The following SNTG1 variants were observed in gnomAD, a reference collection of about 807,000 sequenced individuals.
SNTG1 encodes the protein gamma-1-syntrophin.
A neutral mutation model predicts 74.7 loss-of-function variants in SNTG1; 39 were observed. The observed-to-expected ratio is 0.52, with a 90% confidence interval of 0.40 to 0.68. The LOEUF is 0.68. Among genes scored for constraint, SNTG1 ranks in the 30% least tolerant of loss-of-function variants. The probability of loss-of-function intolerance (pLI) is 0.00; values close to 1 mark genes in which losing one functional copy is unlikely to be tolerated. For missense variants in SNTG1, 685 were observed against 609.5 expected, an observed-to-expected ratio of 1.12 and a Z score of -1.30; for synonymous variants, 254 against 217.1, an observed-to-expected ratio of 1.17 and a Z score of -1.49.
At chr8:50,032,757 T>G (rs963383339) in intron 1 of SNTG1, among the ~76,000 whole-genome samples, 2 of 152,194 alleles carry the variant, frequency 1.3e-5, no homozygotes, top group African/African-American at 4.8e-5. Context: ...GAAGCAGAAG[T>G]CAAAATTTGG....
Position 50,105,546 on chromosome 8 carries a change from A to G in SNTG1, c.-102-67015A>G, listed in dbSNP as rs144036871. Among the ~76,000 whole-genome samples, 561 of 152,022 alleles carry G rather than the reference A, an allele frequency of 3.7e-3. 2 individuals carry two copies. Among genetic ancestry groups the G allele is most frequent in the African/African-American group, 0.013 (542 of 41,482 alleles). On this transcript the variant is annotated intron_variant, in intron 1 of 18. Coordinates refer to ENST00000642720, the MANE Select transcript of SNTG1 (RefSeq NM_018967.5). ...TCTTTGGGCTCTTTTTTGTCTTCAA[A>G]TAATTTTTTTCTAATTCTGTGAAGA...
At chr8:50,677,683 A>G (rs1585497239) in intron 15 of SNTG1, among the ~76,000 whole-genome samples, 1 of 152,138 alleles carries the variant, frequency 6.6e-6, no homozygotes, top group South Asian at 2.1e-4. Flanking sequence ...TTTAAAAGTA[A>G]AAATATAATT....
intron 15 of SNTG1, among the ~76,000 whole-genome samples, chr8:50,693,220 G>C (rs34346090): frequency 2.6e-5 from 4 of 151,976 alleles, no homozygotes; most frequent in Admixed American, 1.3e-4. Context: ...GTGATGCCTC[G>C]CCCTGCTTCG....
chr8:50,270,377 A>G (rs545441102), intron 2 of SNTG1, among the ~76,000 whole-genome samples: 1 of 152,316 alleles, frequency 6.6e-6, no homozygotes, highest in Non-Finnish European at 1.5e-5. Context: ...GAACTATAAA[A>G]AGAGAAAGCT....
intron 17 of SNTG1, among the ~76,000 whole-genome samples, chr8:50,746,288 G>A (rs1054356619): frequency 1.3e-5 from 2 of 151,884 alleles, no homozygotes; most frequent in African/African-American, 4.8e-5. Flanking sequence ...ATAAAACTGT[G>A]TTAAGACCAG....
intron 1 of SNTG1, among the ~76,000 whole-genome samples, chr8:49,940,025 A>T (rs531384731): frequency 1.3e-5 from 2 of 152,352 alleles, no homozygotes; most frequent in East Asian, 3.9e-4. Flanking sequence ...ACATAGCATG[A>T]GATGATTTCT....
intron 1 of SNTG1, among the ~76,000 whole-genome samples, chr8:49,963,231 G>A (rs943163136): frequency 1.2e-4 from 19 of 152,242 alleles, no homozygotes; most frequent in Admixed American, 7.9e-4. Context: ...GAAGCAAAGC[G>A]CCAAGACATC....
At chr8:50,535,409 G>A (rs962746412) in intron 10 of SNTG1, among the ~76,000 whole-genome samples, 3 of 152,020 alleles carry the variant, frequency 2.0e-5, no homozygotes, top group East Asian at 1.9e-4. Flanking sequence ...ATCACATGCC[G>A]ATCATCCATA....
chr8:50,228,225 A>G (rs1315373129), intron 2 of SNTG1, among the ~76,000 whole-genome samples: 1 of 151,914 alleles, frequency 6.6e-6, no homozygotes, highest in African/African-American at 2.4e-5. Flanking sequence ...CAAGGAAAAA[A>G]ATATTACGAA....
At chr8:49,951,872 A>C (rs2450293) in intron 1 of SNTG1, among the ~76,000 whole-genome samples, 2 of 98,150 alleles carry the variant, frequency 2.0e-5, no homozygotes, top group Admixed American at 2.4e-4. Context: ...TGGAAAATTC[A>C]CAAAAAAAAA....
In SNTG1 at chr8:50,036,658, C is replaced by T. The variant is rs10097416; in HGVS notation, c.-103+124427C>T. ...TAGTCCATGTAAACAGACAATAATA[C>T]GTGTCAAATGAATGGGTGGCATAGC... is the stretch of plus-strand genomic sequence containing the variant. On this transcript the variant is annotated intron_variant, in intron 1 of 18. Coordinates refer to ENST00000642720, the MANE Select transcript of SNTG1 (RefSeq NM_018967.5). Among the ~76,000 whole-genome samples the T allele has an allele frequency of 9.6e-3, 1,454 of 152,224 alleles. 27 individuals carry two copies. Among genetic ancestry groups the T allele is most frequent in the African/African-American group, 0.032 (1,318 of 41,524 alleles).
intron 1 of SNTG1, among the ~76,000 whole-genome samples, chr8:49,991,328 G>A (rs770864165): frequency 1.4e-4 from 22 of 152,092 alleles, no homozygotes; most frequent in Non-Finnish European, 3.1e-4. Context: ...TTGGAGCCCC[G>A]ATGCAAGGCT....
At chr8:50,218,803 A>G (rs928818937) in intron 2 of SNTG1, among the ~76,000 whole-genome samples, 1 of 152,184 alleles carries the variant, frequency 6.6e-6, no homozygotes, top group African/African-American at 2.4e-5. Context: ...CTGGATACAA[A>G]TATCCTCTTT....
At position 50,560,988 on chromosome 8, in the gene SNTG1, A is replaced by G. The variant is rs2094484650; in HGVS notation, c.810+7809A>G. ...TTGAAGCTTTTAGACTGACATTATG[A>G]CATTTTAAGTAATGCTTCCATGTAA... On this transcript the variant is annotated intron_variant, in intron 12 of 18. Coordinates refer to ENST00000642720, the MANE Select transcript of SNTG1 (RefSeq NM_018967.5). 2.0e-5 allele frequency among the ~76,000 whole-genome samples: 3 copies of G among 152,200 alleles called. No homozygotes were observed. The South Asian group carries it at 6.2e-4, about 31-fold the overall frequency.
intron 4 of SNTG1, among the ~76,000 whole-genome samples, chr8:50,433,074 G>C (rs917742559): frequency 6.6e-6 from 1 of 152,192 alleles, no homozygotes; most frequent in African/African-American, 2.4e-5. Context: ...ACAGGCATGA[G>C]CCACTGCGCC....
intron 2 of SNTG1, among the ~76,000 whole-genome samples, chr8:50,236,754 A>T (rs751051717): frequency 6.6e-6 from 1 of 152,168 alleles, no homozygotes; most frequent in South Asian, 2.1e-4. Context: ...CCGGCCAAAA[A>T]TTTTTAAAAC....
intron 1 of SNTG1, among the ~76,000 whole-genome samples, chr8:50,014,765 C>A (rs947114675): frequency 6.6e-6 from 1 of 152,058 alleles, no homozygotes; most frequent in East Asian, 1.9e-4. Flanking sequence ...GGAAAGCAGA[C>A]TTTAAAATAG....
chr8:50,484,154 TTCCTTCCTTCCTTCCTTCC>T lies in SNTG1; in HGVS notation c.364-18622_364-18604del, dbSNP rs2093767523. ...TTTCTTTCCTTCTTTCTTTCTTTCC[TTCCTTCCTTCCTTCCTTCC>T]TTCCTTCCTTCCTTCCTTCCTTCCT... On this transcript the variant is annotated intron_variant, in intron 8 of 18. Coordinates refer to ENST00000642720, the MANE Select transcript of SNTG1 (RefSeq NM_018967.5). 8.0e-5 allele frequency among the ~76,000 whole-genome samples: 3 copies of T among 37,398 alleles called. No homozygotes were observed. The South Asian group carries it at 2.6e-3, about 32-fold the overall frequency. The allele number at this position is 37,398 out of a possible 152,430, so 24.5% of individuals were successfully genotyped here.
In SNTG1 at chr8:50,462,788, G is replaced by T. The variant is rs2131692175; in HGVS notation, c.363+12059G>T. Among the ~76,000 whole-genome samples, 7 of 117,322 alleles carry T rather than the reference G, an allele frequency of 6.0e-5. 2 individuals carry two copies. Among genetic ancestry groups the T allele is most frequent in the Admixed American group, 2.1e-4 (2 of 9,742 alleles). 77.0% of individuals were successfully genotyped at this position (117,322 alleles called of 152,430 possible). On this transcript the variant is annotated intron_variant, in intron 8 of 18. Coordinates refer to ENST00000642720, the MANE Select transcript of SNTG1 (RefSeq NM_018967.5). ...GGCAGCAACTCAGTCGCATCTTCAG[G>T]TTCTACTCTTTTTTTTTTTTTTTTT...
Sources: allele counts gnomAD v4.1 joint callset (sites outside exome capture counted in the v4.1 genomes callset), GRCh38; gene constraint gnomAD v4.1.1; transcripts MANE v1.5; gene names NCBI Gene and HGNC (gene_info 2026-07-23, HGNC 2026-07-21).